NCBP1: variants seen among roughly 807,000 people sequenced by gnomAD.
NCBP1 encodes the protein nuclear cap binding protein subunit 1, also known as nuclear cap-binding protein subunit 1.
A neutral mutation model predicts 111.7 loss-of-function variants in NCBP1; 16 were observed. The ratio of observed to expected loss-of-function variants is 0.14; its 90% confidence interval spans 0.10 to 0.22. The LOEUF (loss-of-function observed/expected upper bound fraction) is 0.22, where lower values mean the gene tolerates loss of function less well. Among genes scored for constraint, NCBP1 ranks in the 10% least tolerant of loss-of-function variants. The probability of loss-of-function intolerance (pLI) is 1.00; values close to 1 mark genes in which losing one functional copy is unlikely to be tolerated. For synonymous variants in NCBP1, 304 were observed against 314.3 expected (o/e 0.97, Z 0.35); for missense variants, 607 against 957.5 (o/e 0.63, Z 4.83).
At chr9:97,669,538 T>G (rs1049904901) in intron 21 of NCBP1, 55 bp from the exon 22 acceptor site, 1 of 1,262,652 alleles carries the variant, frequency 7.9e-7, no homozygotes, top group Admixed American at 1.8e-5. Context: ...TGAATTTTTT[T>G]CCAAAGTATA....
At chr9:97,634,133 G>T (rs1055050192) in intron 1 of NCBP1, among the ~76,000 whole-genome samples, 1 of 152,258 alleles carries the variant, frequency 6.6e-6, no homozygotes, top group African/African-American at 2.4e-5. Context: ...CCGATCCTCG[G>T]GAAAGAAGGC....
At chr9:97,640,075 ACTTTT>A (rs371127375) in intron 1 of NCBP1, among the ~76,000 whole-genome samples, 58 of 152,248 alleles carry the variant, frequency 3.8e-4, no homozygotes, top group South Asian at 3.5e-3. Context: ...AGTGCTCAGG[ACTTTT>A]CTTTGAATAT....
At chr9:97,654,247 G>A (rs1827580067) in intron 11 of NCBP1, among the ~76,000 whole-genome samples, 1 of 152,104 alleles carries the variant, frequency 6.6e-6, no homozygotes, top group African/African-American at 2.4e-5. Context: ...TTCTTTCAGA[G>A]TTGGAATTAA....
intron 3 of NCBP1, among the ~76,000 whole-genome samples, chr9:97,642,803 C>T (rs1827238771): frequency 6.6e-6 from 1 of 151,912 alleles, no homozygotes; most frequent in African/African-American, 2.4e-5. Flanking sequence ...TGCTGCACGC[C>T]CCCCCTTAAT....
chr9:97,663,723 G>T (rs1357026320), intron 18 of NCBP1, among the ~76,000 whole-genome samples: 1 of 151,824 alleles, frequency 6.6e-6, no homozygotes, highest in Non-Finnish European at 1.5e-5. Flanking sequence ...GACCTCAGGT[G>T]ATCTGCCCAC....
chr9:97,648,978 A>G (rs912779715), intron 8 of NCBP1, among the ~76,000 whole-genome samples: 3 of 152,176 alleles, frequency 2.0e-5, no homozygotes, highest in African/African-American at 7.2e-5. Context: ...TTGGGCTTAC[A>G]GGCATGAGCC....
chr9:97,643,319 G>C lies in NCBP1; in HGVS notation c.340G>C (p.Glu114Gln). 2 of 1,607,010 alleles carry C rather than the reference G, an allele frequency of 1.2e-6. No individual in the cohort carries two copies. Among genetic ancestry groups the C allele is most frequent in the East Asian group, 2.2e-5 (1 of 44,782 alleles). Reference sequence around the variant, plus strand: ...AGAAGCCATGATTCGTCAACTTAAAGAATCATTGAAAGCAAACAATTATAA... The same window carrying C: ...AGAAGCCATGATTCGTCAACTTAAACAATCATTGAAAGCAAACAATTATAA... Reference protein sequence around the residue: ...FVEAMIRQLKESLKANNYNEA... With the variant: ...FVEAMIRQLKQSLKANNYNEA... The change falls in exon 4 of 23, where the codon GAA becomes CAA. Residue 114 changes from glutamate (E) to glutamine (Q), a missense_variant. Physicochemically the swap from Glu to Gln is conservative, Grantham distance 29. This residue lies in a region of NCBP1 where 185 missense variants were observed against 272.0 expected (regional missense o/e 0.68). Coordinates refer to ENST00000375147, the MANE Select transcript of NCBP1 (RefSeq NM_002486.5).
intron 15 of NCBP1, 145 bp from the exon 16 acceptor site, chr9:97,660,801 G>A: frequency 1.1e-6 from 1 of 929,742 alleles, no homozygotes; most frequent in Non-Finnish European, 1.6e-6. Context: ...GTATTTATAT[G>A]TGATTAAATA....
At chr9:97,661,103 T>A (rs774306068) in intron 16 of NCBP1, 35 bp downstream of exon 16, 1 of 1,606,276 alleles carries the variant, frequency 6.2e-7, no homozygotes, top group Non-Finnish European at 8.5e-7. Flanking sequence ...AGTGGAACTA[T>A]GTATAGGCCA....
intron 11 of NCBP1, among the ~76,000 whole-genome samples, chr9:97,654,474 A>C (rs149328645): frequency 3.3e-5 from 5 of 152,246 alleles, no homozygotes; most frequent in African/African-American, 1.2e-4. Flanking sequence ...AATTACCAGT[A>C]TGTGACACAG....
rs1338650771 is a variant in NCBP1 at position 97,671,182 on chromosome 9, T to C, written c.2356T>C (p.Cys786Arg). 1.2e-6 allele frequency: 2 copies of C among 1,610,866 alleles called. No individual in the cohort carries two copies. Among genetic ancestry groups the C allele is most frequent in the Non-Finnish European group, 1.7e-6 (2 of 1,177,040 alleles). Residue 786 changes from cysteine to arginine, a missense_variant, in exon 23 of 23, where the codon TGT (cysteine) becomes CGT (arginine). Coordinates refer to ENST00000375147, the MANE Select transcript of NCBP1 (RefSeq NM_002486.5). ...PHILAVFQQF[C>R]ALQA is the part of the protein sequence containing the mutation. ...TATCTTGGCCGTGTTCCAGCAGTTC[T>C]GTGCCCTGCAGGCCTAAGGGTCATT...
At chr9:97,670,099 T>G (rs537851589) in intron 22 of NCBP1, 77 of 328,674 alleles carry the variant, frequency 2.3e-4, no homozygotes, top group Admixed American at 1.5e-3. Flanking sequence ...ATTTTTGTAT[T>G]TTTAGTAGGG....
At chr9:97,635,542 C>T (rs1299427059) in intron 1 of NCBP1, among the ~76,000 whole-genome samples, 1 of 151,820 alleles carries the variant, frequency 6.6e-6, no homozygotes, top group Non-Finnish European at 1.5e-5. Flanking sequence ...TCCTAAGTAA[C>T]TGGGACCACA....
chr9:97,660,966 G>T lies in NCBP1; in HGVS notation c.1498G>T (p.Val500Phe). The T allele has an allele frequency of 6.2e-7, 1 of 1,611,748 alleles. No individual in the cohort carries two copies. Among genetic ancestry groups the T allele is most frequent in the East Asian group, 2.2e-5 (1 of 44,788 alleles). The change falls in exon 16 of 23, where the codon GTT becomes TTT. Residue 500 changes from valine to phenylalanine, a missense_variant. Around this residue, in one of 9 missense-constraint regions of NCBP1, gnomAD observed 282 missense variants for 376.5 expected, o/e 0.75. Transcript: ENST00000375147. ...TTTAGATTCTCTTCCTGGACATTCT[G>T]TTGCCCTCTGTTTAGCTGTTGCCTT... is the stretch of plus-strand genomic sequence containing the variant. ...ESSNSLPGHSVALCLAVAFKS... is the reference protein window; with the variant it reads ...ESSNSLPGHSFALCLAVAFKS...
chr9:97,662,379 GAAAC>G (rs1362683024), intron 17 of NCBP1, among the ~76,000 whole-genome samples: 7 of 152,180 alleles, frequency 4.6e-5, no homozygotes, highest in African/African-American at 1.7e-4. Context: ...GACATTTAAA[GAAAC>G]TAGTGAAAAA....
intron 6 of NCBP1, among the ~76,000 whole-genome samples, chr9:97,646,619 C>T (rs926655756): frequency 1.3e-5 from 2 of 151,864 alleles, no homozygotes; most frequent in African/African-American, 2.4e-5. Context: ...GTGGATCACC[C>T]GAGGTCAGGA....
At chr9:97,655,802 A>G in intron 13 of NCBP1, 38 bp downstream of exon 13, 1 of 1,546,642 alleles carries the variant, frequency 6.5e-7, no homozygotes, top group Non-Finnish European at 8.8e-7. Context: ...CTGTAGTCAA[A>G]AAACTACTAA....
intron 12 of NCBP1, among the ~76,000 whole-genome samples, chr9:97,655,214 T>G (rs968096000): frequency 2.6e-5 from 4 of 152,220 alleles, no homozygotes; most frequent in Admixed American, 6.5e-5. Context: ...TATCTGCAAT[T>G]TCTTTTTTTT....
intron 19 of NCBP1, among the ~76,000 whole-genome samples, chr9:97,665,363 G>A (rs1037646523): frequency 2.0e-5 from 3 of 152,310 alleles, no homozygotes; most frequent in South Asian, 2.1e-4. Context: ...CCGCATCACC[G>A]TAGAGAAGGT....
Sources: allele counts gnomAD v4.1 joint callset (sites outside exome capture counted in the v4.1 genomes callset), GRCh38; gene constraint gnomAD v4.1.1; regional missense constraint gnomAD v4.1.1; transcripts MANE v1.5; gene names NCBI Gene and HGNC (gene_info 2026-07-23, HGNC 2026-07-21).